The following RAPGEF4 variants were observed in gnomAD, a reference collection of about 807,000 sequenced individuals.
The protein encoded by RAPGEF4 is Rap guanine nucleotide exchange factor 4.
In RAPGEF4, 66 loss-of-function variants were observed where a neutral mutation model predicts 147.9. The observed-to-expected ratio is 0.45, with a 90% CI of 0.37 to 0.55. RAPGEF4 has a LOEUF of 0.55. Ranked by LOEUF, RAPGEF4 falls within the 20% of genes least tolerant of loss-of-function variation. RAPGEF4 has a pLI of 0.00. For synonymous variants in RAPGEF4, 419 were observed against 442.7 expected, an observed-to-expected ratio of 0.95 and a Z score of 0.67; for missense variants, 1,071 against 1,257.3, an observed-to-expected ratio of 0.85 and a Z score of 2.24.
intron 30 of RAPGEF4, among the ~76,000 whole-genome samples, chr2:173,050,491 G>A (rs1686055862): frequency 1.3e-5 from 2 of 152,120 alleles, no homozygotes; most frequent in African/African-American, 2.4e-5. Flanking sequence ...GTCTTTGGGA[G>A]TGCTGTGTGG....
intron 1 of RAPGEF4, among the ~76,000 whole-genome samples, chr2:172,777,905 G>C (rs1446955781): frequency 6.6e-6 from 1 of 151,994 alleles, no homozygotes; most frequent in Non-Finnish European, 1.5e-5. Context: ...GTTTTCTGTG[G>C]GTGAAGGAGG....
At chr2:172,969,639 T>C (rs1575404783) in intron 10 of RAPGEF4, among the ~76,000 whole-genome samples, 1 of 152,256 alleles carries the variant, frequency 6.6e-6, no homozygotes, top group South Asian at 2.1e-4. Flanking sequence ...GTTTTTGAAA[T>C]GGCTCCTGCC....
At chr2:172,978,115 C>T (rs1691281063) in intron 10 of RAPGEF4, among the ~76,000 whole-genome samples, 1 of 152,246 alleles carries the variant, frequency 6.6e-6, no homozygotes, top group East Asian at 1.9e-4. Flanking sequence ...GCCTCTCTTT[C>T]TCTGCGTGGG....
intron 4 of RAPGEF4, among the ~76,000 whole-genome samples, chr2:172,853,468 A>G (rs896053818): frequency 1.3e-5 from 2 of 151,986 alleles, no homozygotes; most frequent in African/African-American, 4.8e-5. Context: ...GGATTTGCAG[A>G]TACACTGCAA....
chr2:172,944,927 C>T (rs1687537510), intron 6 of RAPGEF4, among the ~76,000 whole-genome samples: 1 of 152,058 alleles, frequency 6.6e-6, no homozygotes, highest in Non-Finnish European at 1.5e-5. Context: ...GGTAGAAATG[C>T]CAGGTTTCTA....
At chr2:172,742,166 C>T (rs1237198314) in intron 1 of RAPGEF4, among the ~76,000 whole-genome samples, 2 of 152,216 alleles carry the variant, frequency 1.3e-5, no homozygotes, top group Non-Finnish European at 2.9e-5. Flanking sequence ...CAATACCACA[C>T]ACATTAAACA....
chr2:173,046,060 A>T (rs948887713), intron 29 of RAPGEF4, among the ~76,000 whole-genome samples: 3 of 152,222 alleles, frequency 2.0e-5, no homozygotes, highest in Non-Finnish European at 4.4e-5. Flanking sequence ...ACACATCATC[A>T]CTGTGGGTTC....
chr2:172,812,398 T>A lies in RAPGEF4; in HGVS notation c.298-1881T>A, dbSNP rs566835924. Among the ~76,000 whole-genome samples, 4 of 152,188 alleles carry A rather than the reference T, an allele frequency of 2.6e-5. No individual in the cohort carries two copies. In the South Asian group the frequency reaches 8.3e-4, roughly 31 times the overall value. On this transcript the variant is annotated intron_variant, in intron 3 of 30. Coordinates refer to ENST00000397081, the MANE Select transcript of RAPGEF4 (RefSeq NM_007023.4). Reference sequence around the variant, plus strand: ...ACTACCGTGATGAAATTTTGTTGTATGTGATAAAGGCATGAGTCAGGTTGA... The same window carrying A: ...ACTACCGTGATGAAATTTTGTTGTAAGTGATAAAGGCATGAGTCAGGTTGA...
intron 1 of RAPGEF4, among the ~76,000 whole-genome samples, chr2:172,764,095 T>TA (rs904385991): frequency 7.3e-5 from 11 of 150,692 alleles, no homozygotes; most frequent in East Asian, 3.9e-4. Flanking sequence ...TCTACAAAAA[T>TA]AAAAAAAAAT....
chr2:172,937,413 G>A (rs993288671), intron 6 of RAPGEF4, among the ~76,000 whole-genome samples: 4 of 152,078 alleles, frequency 2.6e-5, no homozygotes, highest in African/African-American at 4.8e-5. Flanking sequence ...GATATAGGTC[G>A]GGTATTTGGT....
chr2:172,934,126 AT>A (rs1323837882), intron 6 of RAPGEF4, among the ~76,000 whole-genome samples: 2 of 150,410 alleles, frequency 1.3e-5, no homozygotes, highest in Admixed American at 6.7e-5. Flanking sequence ...AGTAGAAAAA[AT>A]AACTATATTT....
At chr2:172,795,753 T>C (rs1173627839) in intron 2 of RAPGEF4, among the ~76,000 whole-genome samples, 1 of 152,228 alleles carries the variant, frequency 6.6e-6, no homozygotes, top group Non-Finnish European at 1.5e-5. Context: ...CAATTACTTA[T>C]ACAGAAGAAG....
intron 4 of RAPGEF4, among the ~76,000 whole-genome samples, chr2:172,892,853 A>G (rs931541239): frequency 6.6e-6 from 1 of 152,216 alleles, no homozygotes; most frequent in Non-Finnish European, 1.5e-5. Context: ...AGTGAATAGG[A>G]TACAGTTTTG....
chr2:172,976,652 G>A (rs541866113), intron 10 of RAPGEF4, among the ~76,000 whole-genome samples: 1 of 152,310 alleles, frequency 6.6e-6, no homozygotes, highest in Non-Finnish European at 1.5e-5. Context: ...AGGTCTGCTA[G>A]GTGACAGGTC....
intron 4 of RAPGEF4, among the ~76,000 whole-genome samples, chr2:172,846,094 G>A (rs1175626102): frequency 6.6e-6 from 1 of 152,102 alleles, no homozygotes; most frequent in African/African-American, 2.4e-5. Flanking sequence ...ACCTTATTGA[G>A]GTGTACTTTA....
At chr2:172,857,299 A>G (rs1364486394) in intron 4 of RAPGEF4, among the ~76,000 whole-genome samples, 1 of 152,108 alleles carries the variant, frequency 6.6e-6, no homozygotes, top group East Asian at 1.9e-4. Flanking sequence ...ATTTCTTCCA[A>G]TGGGAGCTTT....
intron 4 of RAPGEF4, among the ~76,000 whole-genome samples, chr2:172,864,320 C>T (rs1559083369): frequency 6.6e-6 from 1 of 152,158 alleles, no homozygotes; most frequent in Non-Finnish European, 1.5e-5. Flanking sequence ...GAGCACTGGA[C>T]ATTGAAGGAG....
chr2:173,010,337 G>T (rs1259601134), intron 17 of RAPGEF4, among the ~76,000 whole-genome samples: 1 of 152,166 alleles, frequency 6.6e-6, no homozygotes, highest in Non-Finnish European at 1.5e-5. Context: ...TAGGAACCAT[G>T]TTGTCTTTCT....
chr2:173,014,273 G>A lies in RAPGEF4; in HGVS notation c.1659-191G>A, dbSNP rs1349846125. On this transcript the variant is annotated intron_variant, in intron 17 of 30. Coordinates refer to ENST00000397081, the MANE Select transcript of RAPGEF4 (RefSeq NM_007023.4). ...GGCAACTATCAGGCCAGAGTCAGCA[G>A]GAGTAAACAAGGAATTGCATGCATT... Among the ~76,000 whole-genome samples the A allele has an allele frequency of 3.3e-5, 5 of 152,262 alleles. No individual in the cohort carries two copies. The East Asian group carries it at 7.7e-4, about 24-fold the overall frequency.
Sources: gnomAD v4.1 joint callset for allele counts (sites outside exome capture counted in the v4.1 genomes callset) on GRCh38, gnomAD v4.1.1 for gene constraint, MANE v1.5 for transcripts, NCBI Gene and HGNC (gene_info 2026-07-23, HGNC 2026-07-21) for gene names.